The following PHACTR3 variants were observed in gnomAD, a reference collection of about 807,000 sequenced individuals.
PHACTR3 encodes protein phosphatase 1, regulatory subunit 123.
A neutral mutation model predicts 66.8 loss-of-function variants in PHACTR3; 16 were observed. That is an observed-to-expected ratio of 0.24 (90% CI 0.16 to 0.36). The LOEUF is 0.36. PHACTR3 is among the 10% of genes least tolerant of loss of function. The pLI is 1.00. For synonymous variants in PHACTR3, 323 were observed against 292.1 expected, an observed-to-expected ratio of 1.11 and a Z score of -1.08; for missense variants, 647 against 719.9, an observed-to-expected ratio of 0.90 and a Z score of 1.16.
At chr20:59,740,853 G>A (rs148356977) in intron 1 of PHACTR3, among the ~76,000 whole-genome samples, 6 of 152,336 alleles carry the variant, frequency 3.9e-5, no homozygotes, top group African/African-American at 1.2e-4. Context: ...TTGGGCCCTC[G>A]GGTGCTGCCT....
chr20:59,838,743 C>T lies in PHACTR3; in HGVS notation c.1385-1626C>T, dbSNP rs144560776. On this transcript the variant is annotated intron_variant, in intron 9 of 12. Coordinates refer to ENST00000371015, the MANE Select transcript of PHACTR3 (RefSeq NM_080672.5). ...CATGGAAGTCTCAGGTATAACTGTC[C>T]AAGCTGCTGGAGCTATTTCCAGAAA... Among the ~76,000 whole-genome samples, 467 of 152,284 alleles carry T rather than the reference C, an allele frequency of 3.1e-3. 1 individual carries two copies. Among genetic ancestry groups the T allele is most frequent in the Non-Finnish European group, 5.2e-3 (351 of 68,028 alleles).
At chr20:59,806,218 GC>G in intron 8 of PHACTR3, 24 bp downstream of exon 8, 1 of 1,610,910 alleles carries the variant, frequency 6.2e-7, no homozygotes, top group Non-Finnish European at 8.5e-7. Context: ...TGCGGGCACA[GC>G]CGGGCCTGTG....
intron 7 of PHACTR3, among the ~76,000 whole-genome samples, chr20:59,775,375 C>T (rs2040502232): frequency 6.6e-6 from 1 of 152,110 alleles, no homozygotes; most frequent in Non-Finnish European, 1.5e-5. Context: ...AAAGCTCAGG[C>T]CACGTCTCCC....
chr20:59,700,691 G>A (rs2037470758), intron 1 of PHACTR3, among the ~76,000 whole-genome samples: 1 of 152,224 alleles, frequency 6.6e-6, no homozygotes, highest in Non-Finnish European at 1.5e-5. Flanking sequence ...AGAGATCAGT[G>A]TGCTTTGGTA....
chr20:59,644,027 C>T (rs1008141609), intron 1 of PHACTR3, among the ~76,000 whole-genome samples: 17 of 152,208 alleles, frequency 1.1e-4, no homozygotes, highest in Non-Finnish European at 1.8e-4. Flanking sequence ...AGACCTGGAA[C>T]GTTCCAGAGT....
chr20:59,606,991 G>T (rs1241193263), intron 1 of PHACTR3, among the ~76,000 whole-genome samples: 3 of 152,158 alleles, frequency 2.0e-5, no homozygotes, highest in Non-Finnish European at 4.4e-5. Context: ...AGCAGATTGT[G>T]TTTCTGTTCT....
chr20:59,769,047 G>C (rs149434405), intron 5 of PHACTR3, among the ~76,000 whole-genome samples: 130 of 152,272 alleles, frequency 8.5e-4, no homozygotes, highest in African/African-American at 3.1e-3. Context: ...CCTGAGACTT[G>C]GCCCCAGCTG....
chr20:59,792,649 C>T (rs1458192994), intron 7 of PHACTR3, among the ~76,000 whole-genome samples: 2 of 152,120 alleles, frequency 1.3e-5, no homozygotes, highest in Non-Finnish European at 2.9e-5. Flanking sequence ...TTTTAATTTG[C>T]ATTTTTTCTA....
At chr20:59,811,794 A>G (rs1026437238) in intron 8 of PHACTR3, among the ~76,000 whole-genome samples, 1 of 152,210 alleles carries the variant, frequency 6.6e-6, no homozygotes, top group East Asian at 1.9e-4. Context: ...CTAGAGCCCC[A>G]GCCGTCTTTG....
At chr20:59,698,288 A>G (rs2037373697) in intron 1 of PHACTR3, among the ~76,000 whole-genome samples, 1 of 152,196 alleles carries the variant, frequency 6.6e-6, no homozygotes, top group East Asian at 1.9e-4. Flanking sequence ...AATGAAAAAA[A>G]GACTGGATGG....
At chr20:59,771,738 T>A (rs947142335) in intron 5 of PHACTR3, among the ~76,000 whole-genome samples, 2 of 152,258 alleles carry the variant, frequency 1.3e-5, no homozygotes, top group Admixed American at 6.5e-5. Context: ...CCCTGTGGCC[T>A]GGCCTTGTGT....
intron 2 of PHACTR3, 52 bp from the exon 3 acceptor site, chr20:59,747,706 G>A: frequency 6.3e-7 from 1 of 1,593,102 alleles, no homozygotes; most frequent in Non-Finnish European, 8.6e-7. Flanking sequence ...CTTGGACAGG[G>A]CCCAGTGACA....
At chr20:59,803,647 G>A (rs577958006) in intron 7 of PHACTR3, among the ~76,000 whole-genome samples, 2 of 152,038 alleles carry the variant, frequency 1.3e-5, no homozygotes, top group East Asian at 1.9e-4. Flanking sequence ...TAACATATAC[G>A]CCACCATTTT....
intron 1 of PHACTR3, among the ~76,000 whole-genome samples, chr20:59,581,928 T>A: frequency 6.6e-6 from 1 of 151,934 alleles, no homozygotes. Flanking sequence ...TCCATAAATA[T>A]TTTATGGGAT....
chr20:59,651,258 A>G (rs2035449836), intron 1 of PHACTR3, among the ~76,000 whole-genome samples: 1 of 152,198 alleles, frequency 6.6e-6, no homozygotes, highest in African/African-American at 2.4e-5. Context: ...ACATCCTCCC[A>G]TTACATTACA....
chr20:59,594,973 T>C (rs2033282749), intron 1 of PHACTR3, among the ~76,000 whole-genome samples: 1 of 152,216 alleles, frequency 6.6e-6, no homozygotes, highest in South Asian at 2.1e-4. Context: ...CCCACGAATT[T>C]TGATAAGTTG....
chr20:59,742,820 G>A (rs1488313385), intron 1 of PHACTR3, among the ~76,000 whole-genome samples: 1 of 152,176 alleles, frequency 6.6e-6, no homozygotes, highest in South Asian at 2.1e-4. Context: ...AGCGTTTCAT[G>A]CTGGAATTAG....
chr20:59,648,417 C>T (rs2035356393), intron 1 of PHACTR3, among the ~76,000 whole-genome samples: 1 of 152,160 alleles, frequency 6.6e-6, no homozygotes, highest in African/African-American at 2.4e-5. Flanking sequence ...GGGGTAGGTC[C>T]CTTGAGGGAA....
intron 1 of PHACTR3, among the ~76,000 whole-genome samples, chr20:59,702,377 T>C (rs2037537595): frequency 6.6e-6 from 1 of 152,060 alleles, no homozygotes; most frequent in Non-Finnish European, 1.5e-5. Context: ...CCTTCATCCT[T>C]TTTTCTTCTT....
Sources: allele counts gnomAD v4.1 joint callset (sites outside exome capture counted in the v4.1 genomes callset), GRCh38; gene constraint gnomAD v4.1.1; transcripts MANE v1.5; gene names NCBI Gene and HGNC (gene_info 2026-07-23, HGNC 2026-07-21).